The following PTPRD variants were observed in gnomAD, a reference collection of about 807,000 sequenced individuals.
The protein encoded by PTPRD is protein tyrosine phosphatase receptor type D.
Under a neutral mutation model 214.5 loss-of-function variants are expected in PTPRD, and 34 were observed. That is an observed-to-expected ratio of 0.16 (90% confidence interval 0.12 to 0.21). The LOEUF is 0.21. Among genes scored for constraint, PTPRD ranks in the 10% least tolerant of loss-of-function variants. PTPRD has a pLI of 1.00. For missense variants in PTPRD, 2,545 were observed against 2,398.7 expected, an observed-to-expected ratio of 1.06 and a Z score of -1.27; for synonymous variants, 1,128 against 845.7, an observed-to-expected ratio of 1.33 and a Z score of -5.79.
chr9:8,879,105 A>G (rs1337435259), intron 11 of PTPRD, among the ~76,000 whole-genome samples: 1 of 152,016 alleles, frequency 6.6e-6, no homozygotes, highest in Non-Finnish European at 1.5e-5. Flanking sequence ...TAAACAGTAC[A>G]CCTTTCTGTA....
intron 26 of PTPRD, among the ~76,000 whole-genome samples, chr9:8,495,986 C>T (rs1248913186): frequency 6.6e-6 from 1 of 152,006 alleles, no homozygotes; most frequent in Non-Finnish European, 1.5e-5. Flanking sequence ...TCTGGTTTTC[C>T]CAGTATTATA....
At chr9:8,389,947 T>A (rs745804207) in intron 36 of PTPRD, among the ~76,000 whole-genome samples, 12 of 152,156 alleles carry the variant, frequency 7.9e-5, no homozygotes, top group Non-Finnish European at 8.8e-5. Context: ...AAAACTGAGG[T>A]GCAAAGAAGT....
rs1332212 is a variant in PTPRD, at chr9:9,446,468, C to G, written c.-236-48986G>C. Among the ~76,000 whole-genome samples the G allele has an allele frequency of 1.4e-4, 21 of 152,194 alleles. No individual in the cohort carries two copies. In the South Asian group the frequency reaches 3.9e-3, roughly 29 times the overall value. Reference sequence around the variant, plus strand: ...ACTGCTTCACACCTCCTGAGACTTTCGTGAGGTTTTAACATTAGGAATCAA... The same window carrying G: ...ACTGCTTCACACCTCCTGAGACTTTGGTGAGGTTTTAACATTAGGAATCAA... On this transcript the variant is annotated intron_variant, in intron 8 of 45. Transcript: ENST00000381196.
intron 11 of PTPRD, among the ~76,000 whole-genome samples, chr9:8,823,678 AAAGGGAAAGGAAAGGG>A (rs2097120323): frequency 6.7e-6 from 1 of 149,948 alleles, no homozygotes; most frequent in Non-Finnish European, 1.5e-5. Context: ...AGGGAAAAGG[AAAGGGAAAGGAAAGGG>A]AAAGGAAAGG....
At chr9:8,318,023 A>G in intron 45 of PTPRD, 81 bp from the exon 46 acceptor site, 3 of 1,256,292 alleles carry the variant, frequency 2.4e-6, no homozygotes, top group Non-Finnish European at 3.4e-6. Flanking sequence ...TCAATATTGC[A>G]TAACAAAATA....
chr9:10,065,257 G>C (rs2097856986), intron 3 of PTPRD, among the ~76,000 whole-genome samples: 1 of 151,798 alleles, frequency 6.6e-6, no homozygotes, highest in Non-Finnish European at 1.5e-5. Flanking sequence ...TGCCTGAGAA[G>C]ACAACTCTAA....
At chr9:8,972,129 A>C (rs2099242299) in intron 11 of PTPRD, among the ~76,000 whole-genome samples, 1 of 151,830 alleles carries the variant, frequency 6.6e-6, no homozygotes, top group Non-Finnish European at 1.5e-5. Context: ...TCACCCAATG[A>C]CCAACTAACC....
At chr9:9,621,384 T>C (rs987424822) in intron 7 of PTPRD, among the ~76,000 whole-genome samples, 3 of 152,222 alleles carry the variant, frequency 2.0e-5, no homozygotes, top group Non-Finnish European at 4.4e-5. Flanking sequence ...TATTTTATTA[T>C]AGAAACGCTC....
intron 2 of PTPRD, among the ~76,000 whole-genome samples, chr9:10,506,094 G>T (rs753873451): frequency 6.6e-6 from 1 of 152,042 alleles, no homozygotes; most frequent in African/African-American, 2.4e-5. Context: ...ATTGCAAGTG[G>T]CAATGTTTTT....
In PTPRD at chr9:9,748,408, C is replaced by T. The variant is rs77792512; in HGVS notation, c.-325-13837G>A. On this transcript the variant is annotated intron_variant, in intron 6 of 45. Coordinates refer to ENST00000381196, the MANE Select transcript of PTPRD (RefSeq NM_002839.4). Reference sequence around the variant, plus strand: ...ATATTCTATCAATGAGCTATTGCTACGTGCATTAACATGGACAGTTCAGAA... The same window carrying T: ...ATATTCTATCAATGAGCTATTGCTATGTGCATTAACATGGACAGTTCAGAA... Among the ~76,000 whole-genome samples the T allele has an allele frequency of 9.4e-4, 143 of 152,178 alleles. 1 individual carries two copies. The highest frequency in any genetic ancestry group is 3.4e-3 in the Middle Eastern group (1 of 294).
At chr9:10,126,094 G>A (rs905743034) in intron 3 of PTPRD, among the ~76,000 whole-genome samples, 6 of 152,048 alleles carry the variant, frequency 3.9e-5, no homozygotes, top group African/African-American at 1.4e-4. Context: ...TTTAGCATTT[G>A]GCATGTATCC....
chr9:9,950,359 G>A (rs1050973982), intron 4 of PTPRD, among the ~76,000 whole-genome samples: 1 of 152,170 alleles, frequency 6.6e-6, no homozygotes, highest in Non-Finnish European at 1.5e-5. Flanking sequence ...AGCTAGGGAA[G>A]CTGGTGGAGA....
chr9:10,468,928 G>C (rs2099012421), intron 2 of PTPRD, among the ~76,000 whole-genome samples: 1 of 152,070 alleles, frequency 6.6e-6, no homozygotes, highest in Non-Finnish European at 1.5e-5. Context: ...TTTGACAAAA[G>C]TCAATATCCA....
At chr9:10,164,098 C>G (rs1258261850) in intron 3 of PTPRD, among the ~76,000 whole-genome samples, 2 of 151,264 alleles carry the variant, frequency 1.3e-5, no homozygotes, top group African/African-American at 4.8e-5. Context: ...ATTTAAAAAC[C>G]AATGTTCAAC....
At chr9:9,385,560 G>C (rs10816110) in intron 9 of PTPRD, among the ~76,000 whole-genome samples, 2 of 151,964 alleles carry the variant, frequency 1.3e-5, no homozygotes, top group Non-Finnish European at 2.9e-5. Context: ...CAGTGAGCAA[G>C]TATTTCATCC....
intron 7 of PTPRD, among the ~76,000 whole-genome samples, chr9:9,653,386 A>AAAAAAAT (rs2096422807): frequency 1.5e-5 from 2 of 133,794 alleles, no homozygotes; most frequent in African/African-American, 2.8e-5. Context: ...AAAAAAAAAA[A>AAAAAAAT]GTGCCTCATT....
chr9:10,157,113 G>C (rs1477046039), intron 3 of PTPRD, among the ~76,000 whole-genome samples: 1 of 152,140 alleles, frequency 6.6e-6, no homozygotes, highest in Non-Finnish European at 1.5e-5. Context: ...TTGATTGGGG[G>C]CATTTAGCCC....
intron 11 of PTPRD, among the ~76,000 whole-genome samples, chr9:8,789,054 G>A (rs377580318): frequency 2.6e-5 from 4 of 152,130 alleles, no homozygotes; most frequent in East Asian, 3.9e-4. Context: ...AAGCAGTACT[G>A]TGAGAGGCCA....
At chr9:9,431,723 C>T (rs963402167) in intron 8 of PTPRD, among the ~76,000 whole-genome samples, 13 of 151,796 alleles carry the variant, frequency 8.6e-5, no homozygotes, top group African/African-American at 3.1e-4. Context: ...ACTATGCAGC[C>T]GTAAAAAGGA....
Sources: gnomAD v4.1 joint callset for allele counts (sites outside exome capture counted in the v4.1 genomes callset) on GRCh38, gnomAD v4.1.1 for gene constraint, MANE v1.5 for transcripts, NCBI Gene and HGNC (gene_info 2026-07-23, HGNC 2026-07-21) for gene names.